The following ZNF774 variants were observed in gnomAD, a reference collection of about 807,000 sequenced individuals.
The protein encoded by ZNF774 is zinc finger protein 774.
Under a neutral mutation model 11.1 loss-of-function variants are expected in ZNF774, and 14 were observed. The observed-to-expected ratio is 1.26, with a 90% CI of 0.83 to 1.97. ZNF774 has a LOEUF of 1.97. Among genes scored for constraint, ZNF774 ranks in the 30% most tolerant of loss-of-function variants. The pLI, the probability that ZNF774 is intolerant of heterozygous loss-of-function variation, is 0.00. For missense variants in ZNF774, 599 were observed against 587.0 expected (o/e 1.02, Z -0.21); for synonymous variants, 195 against 212.6 (o/e 0.92, Z 0.72).
chr15:90,358,655 CT>C (rs1047222092), intron 2 of ZNF774, among the ~76,000 whole-genome samples, 195 bp from the exon 3 acceptor site: 2 of 151,794 alleles, frequency 1.3e-5, no homozygotes, highest in Non-Finnish European at 2.9e-5. Context: ...AGGAAAAGGG[CT>C]TTTTTTTCTT....
chr15:90,360,815 C>T lies in ZNF774; in HGVS notation c.984C>T (p.Phe328=). 6.2e-7 allele frequency: 1 copy of T among 1,614,112 alleles called. No homozygotes were observed. The highest frequency in any genetic ancestry group is 8.5e-7 in the Non-Finnish European group (1 of 1,180,022). The change falls in exon 4 of 4, where the codon TTC becomes TTT. Residue 328 remains phenylalanine, a synonymous_variant. Transcript: ENST00000354377. ...AATGCCCGGAGTGCGGGAAGGGCTT[C>T]AGAGATAGTTCTCATTTTGTAGCTC... ...PFKCPECGKG[F]RDSSHFVAHM... is the part of the protein sequence containing the mutation.
rs900992500 is a variant in ZNF774 at position 90,359,032 on chromosome 15, G to A, written c.211+75G>A. ...GTTTAGATGAAGAATTTGGAATGCT[G>A]CCTTAGAATTTTGTTCTTACTAGCA... On this transcript the variant is annotated intron_variant, in intron 3 of 3. Transcript: ENST00000354377. 4.5e-5 allele frequency: 50 copies of A among 1,117,654 alleles called. 1 individual carries two copies. Among genetic ancestry groups the A allele is most frequent in the Non-Finnish European group, 6.5e-6 (5 of 772,572 alleles). 69.2% of individuals were successfully genotyped at this position (1,117,654 alleles called of 1,614,324 possible). A position where few individuals can be genotyped will look rare whatever the true frequency, so the allele number is the denominator to read the frequency against.
rs556821714 is a variant in ZNF774 at position 90,361,457 on chromosome 15, G to A, written c.*174G>A. 10 of 1,402,124 alleles carry A rather than the reference G, an allele frequency of 7.1e-6. No homozygotes were observed. Among genetic ancestry groups the A allele is most frequent in the South Asian group, 3.4e-5 (2 of 58,032 alleles). The allele number at this position is 1,402,124 out of a possible 1,614,324, so 86.9% of individuals were successfully genotyped here. ...GATAAACTTAAAGGGTCCAAATAAC[G>A]GTCCGAATACAAAAGGCATTCCTTC... is the stretch of plus-strand genomic sequence containing the variant. On this transcript the variant is annotated 3_prime_UTR_variant, in exon 4 of 4. Transcript: ENST00000354377.
chr15:90,362,584 T>A lies in ZNF774; in HGVS notation c.*1301T>A. On this transcript the variant is annotated 3_prime_UTR_variant, in exon 4 of 4. Coordinates refer to ENST00000354377, the MANE Select transcript of ZNF774 (RefSeq NM_001004309.3). ...TGCACTAGTACATTCCTACATTCAA[T>A]TGAAATAAATTGAGGGACGGCAAGT... 6.5e-7 allele frequency: 1 copy of A among 1,535,634 alleles called. No homozygotes were observed. The highest frequency in any genetic ancestry group is 2.4e-5 in the East Asian group (1 of 40,914).
Position 90,360,515 on chromosome 15 carries a change from C to CCA in ZNF774, c.689_690dup (p.Gly231GlnfsTer22), listed in dbSNP as rs751547387. On this transcript the variant is annotated frameshift_variant, in exon 4 of 4. Transcript: ENST00000354377. LOFTEE classifies it low-confidence loss of function (END_TRUNC). The stretch of plus-strand genomic sequence containing the variant: ...CAACACTCATCAAACATCAGAGAAC[C>CCA]CACACAGGGGAGAGACCCTATGAGT... 1.9e-6 allele frequency: 3 copies of CCA among 1,613,930 alleles called. No homozygotes were observed. In the South Asian group the frequency reaches 3.3e-5, roughly 18 times the overall value.
At chr15:90,354,997 T>C (rs1431131636) in intron 2 of ZNF774, among the ~76,000 whole-genome samples, 1 of 152,200 alleles carries the variant, frequency 6.6e-6, no homozygotes, top group Non-Finnish European at 1.5e-5. Flanking sequence ...GATTTTGCTA[T>C]GTTGGCAAGG....
rs543795437 is a variant in ZNF774 at position 90,354,087 on chromosome 15, G to A, written c.-19-555G>A. Among the ~76,000 whole-genome samples the A allele has an allele frequency of 7.4e-5, 11 of 148,962 alleles. No individual in the cohort carries two copies. In the East Asian group the frequency reaches 2.2e-3, roughly 30 times the overall value. On this transcript the variant is annotated intron_variant, in intron 1 of 3. Transcript: ENST00000354377. ...GTCTTCTTTTTTTTAAAAAAAAAAT[G>A]TCTTTTTCAGTCTTATTTCTGACTC... is the stretch of plus-strand genomic sequence containing the variant.
chr15:90,362,615 G>A lies in ZNF774; in HGVS notation c.*1332G>A. ...TAAATTGAGGGACGGCAAGTGTGTT[G>A]GAAAGAACACCGACTTCATTGAGAA... is the stretch of plus-strand genomic sequence containing the variant. On this transcript the variant is annotated 3_prime_UTR_variant, in exon 4 of 4. Coordinates refer to ENST00000354377, the MANE Select transcript of ZNF774 (RefSeq NM_001004309.3). 1 of 1,524,682 alleles carries A rather than the reference G, an allele frequency of 6.6e-7. No homozygotes were observed. The allele number at this position is 1,524,682 out of a possible 1,614,324, so 94.4% of individuals were successfully genotyped here. A position where few individuals can be genotyped will look rare whatever the true frequency, so the allele number is the denominator to read the frequency against.
intron 1 of ZNF774, among the ~76,000 whole-genome samples, chr15:90,352,979 T>TA (rs1262914185): frequency 6.6e-6 from 1 of 152,006 alleles, no homozygotes; most frequent in Non-Finnish European, 1.5e-5. Context: ...AACTCTTTTT[T>TA]TTTTTTAGAC....
intron 3 of ZNF774, among the ~76,000 whole-genome samples, chr15:90,359,230 G>A (rs946068041): frequency 4.0e-5 from 6 of 150,300 alleles, no homozygotes; most frequent in East Asian, 2.0e-4. Context: ...CCGCCACCGC[G>A]CCCGGCTAAT....
At chr15:90,354,574 T>A in intron 1 of ZNF774, 68 bp from the exon 2 acceptor site, 1 of 1,092,886 alleles carries the variant, frequency 9.2e-7, no homozygotes, top group Non-Finnish European at 1.4e-6. Flanking sequence ...GTGGCCATTT[T>A]TTGGCTTTCA....
chr15:90,361,296 G>T lies in ZNF774; in HGVS notation c.*13G>T. ...CCATTTGATTTAGGAAGTAGTCTTT[G>T]GTGTTCAGCTGCTCCCTTGCACATT... On this transcript the variant is annotated 3_prime_UTR_variant, in exon 4 of 4. Coordinates refer to ENST00000354377, the MANE Select transcript of ZNF774 (RefSeq NM_001004309.3). The T allele has an allele frequency of 6.3e-7, 1 of 1,577,126 alleles. No homozygotes were observed. Among genetic ancestry groups the T allele is most frequent in the South Asian group, 1.2e-5 (1 of 85,462 alleles).
At position 90,358,849 on chromosome 15, in the gene ZNF774, A is replaced by T; in HGVS notation, c.105-2A>T. On this transcript the variant is annotated splice_acceptor_variant, in intron 2 of 3. Coordinates refer to ENST00000354377, the MANE Select transcript of ZNF774 (RefSeq NM_001004309.3). LOFTEE classifies it high-confidence loss of function. ...ACATCCTATGTTTACATTCCTGTGT[A>T]GAATTTCCAGGCCTAGTGTAATCTC... 1 of 1,611,884 alleles carries T rather than the reference A, an allele frequency of 6.2e-7. No individual in the cohort carries two copies. The highest frequency in any genetic ancestry group is 8.5e-7 in the Non-Finnish European group (1 of 1,178,488).
intron 3 of ZNF774, among the ~76,000 whole-genome samples, chr15:90,359,675 G>A (rs963786206): frequency 6.6e-6 from 1 of 150,696 alleles, no homozygotes; most frequent in African/African-American, 2.4e-5. Context: ...GGTTGGTCTC[G>A]AACTCCCAAC....
chr15:90,359,999 A>G, intron 3 of ZNF774, 44 bp from the exon 4 acceptor site: 3 of 1,533,778 alleles, frequency 2.0e-6, no homozygotes, highest in Non-Finnish European at 2.6e-6. Context: ...TTCCTTCCTG[A>G]TAACTGATAA....
intron 1 of ZNF774, among the ~76,000 whole-genome samples, chr15:90,352,989 C>T (rs1227417371): frequency 1.3e-5 from 2 of 149,350 alleles, no homozygotes; most frequent in African/African-American, 2.5e-5. Context: ...TTTTTTTAGA[C>T]GGAATTTCGC....
In ZNF774 at chr15:90,362,193, A is replaced by G. The variant is rs1280011058; in HGVS notation, c.*910A>G. ...GCCAGTTCAGTGCTGTGCAGGCATT[A>G]GTCACCAGAGGTCTCACTGCCATGA... On this transcript the variant is annotated 3_prime_UTR_variant, in exon 4 of 4. Transcript: ENST00000354377. 1.3e-5 allele frequency: 3 copies of G among 231,248 alleles called. No individual in the cohort carries two copies. The highest frequency in any genetic ancestry group is 6.6e-5 in the African/African-American group (3 of 45,172). The allele number at this position is 231,248 out of a possible 1,614,324, so 14.3% of individuals were successfully genotyped here.
In ZNF774 at chr15:90,361,237, G is replaced by T; in HGVS notation, c.1406G>T (p.Arg469Leu). 1 of 1,611,104 alleles carries T rather than the reference G, an allele frequency of 6.2e-7. No homozygotes were observed. The highest frequency in any genetic ancestry group is 8.5e-7 in the Non-Finnish European group (1 of 1,178,422). The part of the protein sequence containing the change: ...FHCSKCNKSF[R>L]QKAHLLCHQN... ...TGTAGTAAATGTAACAAGAGCTTCC[G>T]TCAGAAAGCGCATCTTTTATGCCAT... The change falls in exon 4 of 4, where the codon CGT (arginine) becomes CTT (leucine). Residue 469 changes from arginine to leucine, a missense_variant. By Grantham distance (102) the Arg-to-Leu change is moderately radical. Coordinates refer to ENST00000354377, the MANE Select transcript of ZNF774 (RefSeq NM_001004309.3).
At chr15:90,359,550 G>A (rs1055925602) in intron 3 of ZNF774, among the ~76,000 whole-genome samples, 3 of 151,768 alleles carry the variant, frequency 2.0e-5, no homozygotes, top group Non-Finnish European at 4.4e-5. Flanking sequence ...CGCCTCCCGG[G>A]TTCAAGTGAT....
Sources: allele counts gnomAD v4.1 joint callset (sites outside exome capture counted in the v4.1 genomes callset), GRCh38; gene constraint gnomAD v4.1.1; transcripts MANE v1.5; gene names NCBI Gene and HGNC (gene_info 2026-07-23, HGNC 2026-07-21).